Variants in AGK observed in about 807,000 individuals in gnomAD.
AGK encodes the protein acylglycerol kinase, mitochondrial.
In AGK, 52 loss-of-function variants were observed where a neutral mutation model predicts 66.4. The ratio of observed to expected loss-of-function variants is 0.78; its 90% CI spans 0.63 to 0.99. The LOEUF (loss-of-function observed/expected upper bound fraction) is 0.99, where lower values mean the gene tolerates loss of function less well. Ranked by LOEUF, AGK falls within the 50% of genes least tolerant of loss-of-function variation. The probability of loss-of-function intolerance (pLI) is 0.00; values close to 1 mark genes in which losing one functional copy is unlikely to be tolerated. For synonymous variants in AGK, 182 were observed against 181.1 expected (o/e 1.00, Z -0.04); for missense variants, 451 against 506.6 (o/e 0.89, Z 1.05).
At position 141,604,336 on chromosome 7, in the gene AGK, A is replaced by G. The variant is rs1326140613; in HGVS notation, c.297+3056A>G. On this transcript the variant is annotated intron_variant, in intron 5 of 15. Transcript: ENST00000649286. ...ATGTTTACACATGCTCTCTCTTTACATGTATGTGTGTGCATATGTATGAAT... is the reference window on the plus strand; with the variant it reads ...ATGTTTACACATGCTCTCTCTTTACGTGTATGTGTGTGCATATGTATGAAT... Among the ~76,000 whole-genome samples, 3 of 145,370 alleles carry G rather than the reference A, an allele frequency of 2.1e-5. No individual in the cohort carries two copies. In the East Asian group the frequency reaches 6.2e-4, roughly 30 times the overall value.
chr7:141,637,286 T>A (rs1797196240), intron 11 of AGK, among the ~76,000 whole-genome samples: 1 of 152,166 alleles, frequency 6.6e-6, no homozygotes, highest in African/African-American at 2.4e-5. Context: ...ATTAATTCAC[T>A]CTCTTGCCCG....
rs115030840 is a variant in AGK, at chr7:141,639,481, G to A, written c.727-1767G>A. Among the ~76,000 whole-genome samples the A allele has an allele frequency of 3.9e-3, 587 of 152,306 alleles. 4 individuals carry two copies. Among genetic ancestry groups the A allele is most frequent in the African/African-American group, 0.013 (555 of 41,574 alleles). ...AAAATCCAAGAGCGGGTAGAAGGGC[G>A]TGGGATCCAGAGTACTGGATTGTCC... On this transcript the variant is annotated intron_variant, in intron 11 of 15. Coordinates refer to ENST00000649286, the MANE Select transcript of AGK (RefSeq NM_018238.4).
chr7:141,606,810 C>T (rs1562971223), intron 5 of AGK, among the ~76,000 whole-genome samples: 1 of 152,120 alleles, frequency 6.6e-6, no homozygotes, highest in Non-Finnish European at 1.5e-5. Flanking sequence ...TCCTAAAAAT[C>T]CTCTCTGTTC....
chr7:141,557,165 C>T (rs1486826121), intron 2 of AGK, among the ~76,000 whole-genome samples: 2 of 152,192 alleles, frequency 1.3e-5, no homozygotes, highest in Non-Finnish European at 2.9e-5. Flanking sequence ...TTTGTGAACA[C>T]TCAATTCACC....
rs371638524 is a variant in AGK at position 141,641,667 on chromosome 7, A to G, written c.878-144A>G. ...AGAGATGCCATTTTTACCTCTATGT[A>G]TAAGAAGCATGAAATAAATAAAATG... On this transcript the variant is annotated intron_variant, in intron 12 of 15. Transcript: ENST00000649286. 6.8e-4 allele frequency: 504 copies of G among 744,558 alleles called. 4 individuals are homozygous for G. The South Asian group carries it at 8.1e-3, about 12-fold the overall frequency. 46.1% of individuals were successfully genotyped at this position (744,558 alleles called of 1,614,324 possible).
intron 13 of AGK, 80 bp from the exon 14 acceptor site, chr7:141,649,183 A>T: frequency 3.6e-6 from 3 of 829,608 alleles, no homozygotes; most frequent in Non-Finnish European, 6.3e-6. Flanking sequence ...CAAACTATGA[A>T]CCATCAAAGC....
At chr7:141,634,463 C>T (rs900528133) in intron 10 of AGK, among the ~76,000 whole-genome samples, 9 of 152,118 alleles carry the variant, frequency 5.9e-5, no homozygotes, top group African/African-American at 9.7e-5. Flanking sequence ...AGAAAGGCGG[C>T]GCCTGGCTGT....
intron 2 of AGK, among the ~76,000 whole-genome samples, chr7:141,560,835 C>T (rs1305688095): frequency 2.2e-5 from 3 of 134,440 alleles, no homozygotes; most frequent in Admixed American, 9.1e-5. Context: ...CTCGCTCTGT[C>T]GCCCAGGCTG....
At chr7:141,603,021 A>T (rs1476890072) in intron 5 of AGK, among the ~76,000 whole-genome samples, 1 of 152,142 alleles carries the variant, frequency 6.6e-6, no homozygotes, top group Non-Finnish European at 1.5e-5. Flanking sequence ...CTAGTATTTT[A>T]AAGTTTGTTG....
At chr7:141,586,670 C>G (rs1041068301) in intron 2 of AGK, among the ~76,000 whole-genome samples, 4 of 152,006 alleles carry the variant, frequency 2.6e-5, no homozygotes, top group African/African-American at 4.8e-5. Context: ...TAAAATGATC[C>G]AATCCTTGAA....
At chr7:141,562,134 A>T in intron 2 of AGK, 1 of 455,150 alleles carries the variant, frequency 2.2e-6, no homozygotes. Flanking sequence ...GCTTTCTTGA[A>T]TGCTGGTTAT....
In AGK at chr7:141,601,418, A is replaced by C. The variant is rs1284677453; in HGVS notation, c.297+138A>C. On this transcript the variant is annotated intron_variant, in intron 5 of 15. Coordinates refer to ENST00000649286, the MANE Select transcript of AGK (RefSeq NM_018238.4). ...TGTATCCTGTTCTGACAATTAATAA[A>C]TGTAGTTTTGTTTTTTTCCAAATAG... 6.5e-6 allele frequency: 4 copies of C among 615,912 alleles called. No individual in the cohort carries two copies. In the African/African-American group the frequency reaches 7.7e-5, roughly 12 times the overall value. 38.2% of individuals were successfully genotyped at this position (615,912 alleles called of 1,614,324 possible). A position where few individuals can be genotyped will look rare whatever the true frequency, so the allele number is the denominator to read the frequency against.
intron 5 of AGK, among the ~76,000 whole-genome samples, chr7:141,604,401 T>C (rs927483873): frequency 8.4e-5 from 12 of 143,466 alleles, no homozygotes; most frequent in South Asian, 4.4e-4. Context: ...TATATATATA[T>C]ATACACATAC....
At chr7:141,580,670 C>T (rs1795863436) in intron 2 of AGK, among the ~76,000 whole-genome samples, 2 of 151,938 alleles carry the variant, frequency 1.3e-5, no homozygotes, top group African/African-American at 4.8e-5. Context: ...ATTTTGAGGG[C>T]CTCTAAAAGT....
At chr7:141,594,167 A>G (rs1288713566) in intron 3 of AGK, 2 of 152,194 alleles carry the variant, frequency 1.3e-5, no homozygotes, top group Non-Finnish European at 2.9e-5. Context: ...TTGGAAATCA[A>G]TTCAAATAAA....
intron 2 of AGK, among the ~76,000 whole-genome samples, chr7:141,559,942 C>G (rs1795302061): frequency 6.6e-6 from 1 of 150,882 alleles, no homozygotes; most frequent in Admixed American, 6.6e-5. Context: ...TATCCTACAA[C>G]TTTGCTGAAT....
intron 13 of AGK, among the ~76,000 whole-genome samples, chr7:141,642,454 T>G (rs772555328): frequency 6.6e-6 from 1 of 152,160 alleles, no homozygotes; most frequent in Non-Finnish European, 1.5e-5. Flanking sequence ...CAAAACTTAG[T>G]TCCTAAGTCA....
intron 2 of AGK, among the ~76,000 whole-genome samples, chr7:141,579,740 C>T (rs958339746): frequency 3.3e-5 from 5 of 151,832 alleles, no homozygotes; most frequent in East Asian, 3.9e-4. Context: ...GACGGGCTAG[C>T]GGCTTATAAC....
intron 13 of AGK, 125 bp from the exon 14 acceptor site, chr7:141,649,138 C>A (rs1397702217): frequency 1.8e-4 from 66 of 373,282 alleles, no homozygotes; most frequent in Middle Eastern, 3.9e-4. Flanking sequence ...GGAATTAAAT[C>A]ACTACAAGTA....
Sources: gnomAD v4.1 joint callset for allele counts (sites outside exome capture counted in the v4.1 genomes callset) on GRCh38, gnomAD v4.1.1 for gene constraint, MANE v1.5 for transcripts, NCBI Gene and HGNC (gene_info 2026-07-23, HGNC 2026-07-21) for gene names.